The following ST8SIA5 variants were observed in gnomAD, a reference collection of about 807,000 sequenced individuals.
ST8SIA5 encodes ST8 alpha-N-acetyl-neuraminide alpha-2,8-sialyltransferase 5.
In ST8SIA5, 24 loss-of-function variants were observed where a neutral mutation model predicts 40.2. The ratio of observed to expected loss-of-function variants is 0.60; its 90% CI spans 0.43 to 0.84. The LOEUF (loss-of-function observed/expected upper bound fraction) is 0.84. ST8SIA5 is among the 40% of genes least tolerant of loss of function. The pLI is 0.00. For synonymous variants in ST8SIA5, 198 were observed against 201.8 expected (o/e 0.98, Z 0.16); for missense variants, 465 against 498.5 (o/e 0.93, Z 0.64).
chr18:46,724,882 T>C (rs1284120714), intron 1 of ST8SIA5, among the ~76,000 whole-genome samples: 1 of 151,572 alleles, frequency 6.6e-6, no homozygotes, highest in African/African-American at 2.4e-5. Context: ...GGCTGAGGCA[T>C]GAGAATCACT....
At chr18:46,748,963 A>G (rs1233240885) in intron 1 of ST8SIA5, among the ~76,000 whole-genome samples, 1 of 152,350 alleles carries the variant, frequency 6.6e-6, no homozygotes, top group Non-Finnish European at 1.5e-5. Context: ...TCAAATGTCT[A>G]TGAGTTGAAG....
intron 1 of ST8SIA5, among the ~76,000 whole-genome samples, chr18:46,725,986 T>TATATCCTGG (rs1555696968): frequency 1.5e-4 from 8 of 52,988 alleles, no homozygotes; most frequent in African/African-American, 5.4e-4. Context: ...TATATATATA[T>TATATCCTGG]ATATATATAT....
In ST8SIA5 at chr18:46,670,355, G is replaced by T. The variant is rs1212953503; in HGVS notation, c.*9687C>A. The T allele has an allele frequency of 1.3e-5, 2 of 152,148 alleles. No homozygotes were observed. Among genetic ancestry groups the T allele is most frequent in the African/African-American group, 4.8e-5 (2 of 41,426 alleles). 9.4% of individuals were successfully genotyped at this position (152,148 alleles called of 1,614,324 possible). ...GCTGAAATGCTGTGTTGCTCCCGGG[G>T]TTATTATAACATATTCTCCCTCTCT... On this transcript the variant is annotated 3_prime_UTR_variant, in exon 7 of 7. Coordinates refer to ENST00000315087, the MANE Select transcript of ST8SIA5 (RefSeq NM_013305.6).
chr18:46,689,098 T>G, intron 3 of ST8SIA5, 179 bp from the exon 4 acceptor site: 2 of 581,826 alleles, frequency 3.4e-6, no homozygotes, highest in Non-Finnish European at 5.5e-6. Flanking sequence ...CCCACACACA[T>G]CCCCACCCTG....
At chr18:46,689,152 C>T (rs2039478126) in intron 3 of ST8SIA5, among the ~76,000 whole-genome samples, 1 of 152,152 alleles carries the variant, frequency 6.6e-6, no homozygotes, top group South Asian at 2.1e-4. Context: ...CCAGGCTTGC[C>T]CCCAACCTAC....
At position 46,704,835 on chromosome 18, in the gene ST8SIA5, G is replaced by A. The variant is rs151171346; in HGVS notation, c.132-171C>T. ...CTTCAGGCAGACCATGGGGCCCTCT[G>A]GCTTGATCACTGGGTGGTCAGTTAC... On this transcript the variant is annotated intron_variant, in intron 1 of 6. Coordinates refer to ENST00000315087, the MANE Select transcript of ST8SIA5 (RefSeq NM_013305.6). Among the ~76,000 whole-genome samples, 111 of 152,328 alleles carry A rather than the reference G, an allele frequency of 7.3e-4. 1 individual carries two copies. The East Asian group carries it at 0.021, about 29-fold the overall frequency.
chr18:46,695,840 A>C (rs977554319), intron 2 of ST8SIA5, among the ~76,000 whole-genome samples: 15 of 152,272 alleles, frequency 9.9e-5, no homozygotes, highest in African/African-American at 3.4e-4. Flanking sequence ...ATCAAGTCTC[A>C]CTATTTGTTG....
intron 1 of ST8SIA5, among the ~76,000 whole-genome samples, chr18:46,723,449 G>A (rs1361076527): frequency 4.6e-5 from 7 of 152,052 alleles, no homozygotes; most frequent in East Asian, 1.9e-4. Context: ...CTACTTGGGC[G>A]GCTAAGGCGG....
At chr18:46,686,142 AG>A in intron 5 of ST8SIA5, 31 bp downstream of exon 5, 1 of 1,592,528 alleles carries the variant, frequency 6.3e-7, no homozygotes, top group South Asian at 1.1e-5. Context: ...GCCATGGGGT[AG>A]TGGCAAGGGC....
Position 46,675,535 on chromosome 18 carries a change from A to AG in ST8SIA5, c.*4506dup, listed in dbSNP as rs964953608. On this transcript the variant is annotated 3_prime_UTR_variant, in exon 7 of 7. Coordinates refer to ENST00000315087, the MANE Select transcript of ST8SIA5 (RefSeq NM_013305.6). Reference sequence around the variant, plus strand: ...GAGCATGCTTCCAATGCTCCTAGGGAGGACTGGCCTGCAGGTAGAGGGGTT... The same window carrying AG: ...GAGCATGCTTCCAATGCTCCTAGGGAGGGACTGGCCTGCAGGTAGAGGGGTT... 2.6e-5 allele frequency: 4 copies of AG among 152,220 alleles called. No homozygotes were observed. The highest frequency in any genetic ancestry group is 4.8e-5 in the African/African-American group (2 of 41,442). The allele number at this position is 152,220 out of a possible 1,614,324, so 9.4% of individuals were successfully genotyped here.
chr18:46,716,086 G>GGGTA (rs2039786030), intron 1 of ST8SIA5, among the ~76,000 whole-genome samples: 2 of 139,678 alleles, frequency 1.4e-5, no homozygotes, highest in Non-Finnish European at 3.1e-5. Flanking sequence ...GAGTCACACA[G>GGGTA]GATAGATAGA....
chr18:46,684,665 G>C (rs1002077289), intron 5 of ST8SIA5, among the ~76,000 whole-genome samples: 1 of 152,096 alleles, frequency 6.6e-6, no homozygotes, highest in Admixed American at 6.5e-5. Context: ...TTTCATTCAC[G>C]CCTTCATTCC....
intron 1 of ST8SIA5, among the ~76,000 whole-genome samples, chr18:46,725,996 T>TATATCCTGG (rs1555696979): frequency 7.6e-5 from 5 of 66,074 alleles, no homozygotes; most frequent in African/African-American, 2.1e-4. Flanking sequence ...TATATATATA[T>TATATCCTGG]ATATATATAT....
intron 1 of ST8SIA5, among the ~76,000 whole-genome samples, chr18:46,719,682 T>TTTTCTTTCTTTCTTTCTTTCTCTTTC (rs2039833748): frequency 9.3e-6 from 1 of 107,064 alleles, no homozygotes; most frequent in Admixed American, 1.1e-4. Flanking sequence ...TTCTTTTCTT[T>TTTTCTTTCTTTCTTTCTTTCTCTTTC]TTTCTTTCTT....
chr18:46,722,244 C>A (rs911765712), intron 1 of ST8SIA5, among the ~76,000 whole-genome samples: 2 of 152,146 alleles, frequency 1.3e-5, no homozygotes, highest in Non-Finnish European at 2.9e-5. Context: ...GTCAGACAAC[C>A]CTCTCCCCAA....
At chr18:46,710,544 CTCT>C (rs1298600494) in intron 1 of ST8SIA5, among the ~76,000 whole-genome samples, 2 of 137,394 alleles carry the variant, frequency 1.5e-5, no homozygotes, top group African/African-American at 5.4e-5. Context: ...CTTTCTTTCT[CTCT>C]TTTTTTTTTT....
chr18:46,691,915 G>T lies in ST8SIA5; in HGVS notation c.311+254C>A, dbSNP rs182239690. The T allele has an allele frequency of 7.9e-6, 4 of 509,284 alleles. No homozygotes were observed. In the East Asian group the frequency reaches 1.4e-4, roughly 18 times the overall value. 31.5% of individuals were successfully genotyped at this position (509,284 alleles called of 1,614,324 possible). A position where few individuals can be genotyped will look rare whatever the true frequency, so the allele number is the denominator to read the frequency against. On this transcript the variant is annotated intron_variant, in intron 3 of 6. Transcript: ENST00000315087. ...GAACCTCAGCTGTGTACTGGAGATGGCACCACCAACCTCACAAGGCTGCTG... is the reference window on the plus strand; with the variant it reads ...GAACCTCAGCTGTGTACTGGAGATGTCACCACCAACCTCACAAGGCTGCTG...
chr18:46,735,667 T>G (rs2040026967), intron 1 of ST8SIA5, among the ~76,000 whole-genome samples: 1 of 152,252 alleles, frequency 6.6e-6, no homozygotes, highest in Non-Finnish European at 1.5e-5. Flanking sequence ...GGCTGGAATG[T>G]AGCAGTGCTG....
chr18:46,679,992 G>C lies in ST8SIA5; in HGVS notation c.*50C>G, dbSNP rs1048804426. ...TCGGGGCTCCCAGTTCCACCAGGAGGGACAGCAGGAGAGGGGGCGCCGCTT... is the reference window on the plus strand; with the variant it reads ...TCGGGGCTCCCAGTTCCACCAGGAGCGACAGCAGGAGAGGGGGCGCCGCTT... On this transcript the variant is annotated 3_prime_UTR_variant, in exon 7 of 7. Transcript: ENST00000315087. The C allele has an allele frequency of 1.9e-6, 3 of 1,542,948 alleles. No individual in the cohort carries two copies.
Sources: allele counts gnomAD v4.1 joint callset (sites outside exome capture counted in the v4.1 genomes callset), GRCh38; gene constraint gnomAD v4.1.1; transcripts MANE v1.5; gene names NCBI Gene and HGNC (gene_info 2026-07-23, HGNC 2026-07-21).